SEC16B: variants seen among roughly 807,000 people sequenced by gnomAD.
SEC16B encodes the protein SEC16 homolog B, endoplasmic reticulum export factor, also known as protein transport protein Sec16B.
Under a neutral mutation model 141.8 loss-of-function variants are expected in SEC16B, and 115 were observed. The ratio of observed to expected loss-of-function variants is 0.81; its 90% CI spans 0.70 to 0.95. The LOEUF (loss-of-function observed/expected upper bound fraction) is 0.95, where lower values mean the gene tolerates loss of function less well. Ranked by LOEUF, SEC16B falls within the 40% of genes least tolerant of loss-of-function variation. The pLI is 0.00. For missense variants in SEC16B, 1,291 were observed against 1,312.3 expected, an observed-to-expected ratio of 0.98 and a Z score of 0.25; for synonymous variants, 493 against 492.5, an observed-to-expected ratio of 1.00 and a Z score of -0.01.
rs369332659 is a variant in SEC16B, at chr1:177,933,508, G to A, written c.2700C>T (p.Leu900=). Residue 900 remains leucine, a synonymous_variant, in exon 21 of 26, where the codon CTC becomes CTT. Transcript: ENST00000308284. ...CCTTTGTATGCTCCTTCCCATCTCC[G>A]AGCTTGCCTCTCTGGGCAGTATTTC... The part of the protein sequence containing the change: ...SPRNTAQRGK[L]GDGKEHTKSS... The A allele has an allele frequency of 4.5e-5, 72 of 1,613,486 alleles. No homozygotes were observed. The highest frequency in any genetic ancestry group is 1.6e-4 in the Middle Eastern group (1 of 6,084).
At position 177,940,697 on chromosome 1, in the gene SEC16B, C is replaced by T. The variant is rs776525784; in HGVS notation, c.2040G>A (p.Lys680=). ...TTTCTAAAACCAGAGGATCTGACAGCTTCAGTTTCTCTGCTAGCTGTGCCA... is the reference window on the plus strand; with the variant it reads ...TTTCTAAAACCAGAGGATCTGACAGTTTCAGTTTCTCTGCTAGCTGTGCCA... The part of the protein sequence containing the change: ...VELIKLAEKL[K]LSDPLVLERR... The change falls in exon 17 of 26, where the codon AAG becomes AAA. Residue 680 remains lysine, a synonymous_variant. Coordinates refer to ENST00000308284, the MANE Select transcript of SEC16B (RefSeq NM_033127.4). 5.6e-6 allele frequency: 9 copies of T among 1,613,566 alleles called. No individual in the cohort carries two copies. The highest frequency in any genetic ancestry group is 6.8e-6 in the Non-Finnish European group (8 of 1,179,692).
intron 8 of SEC16B, 68 bp downstream of exon 8, chr1:177,960,274 G>GCTGC (rs1652953764): frequency 1.0e-6 from 1 of 1,004,130 alleles, no homozygotes. Flanking sequence ...TCTCCAAAAT[G>GCTGC]CTGATCTGGG....
chr1:177,946,298 G>C (rs1446731533), intron 14 of SEC16B, 122 bp downstream of exon 14: 1 of 785,402 alleles, frequency 1.3e-6, no homozygotes, highest in Non-Finnish European at 2.2e-6. Context: ...TCCCAAATAA[G>C]GGAGCCGGCG....
At chr1:177,981,401 G>C (rs888863118) in intron 1 of SEC16B, among the ~76,000 whole-genome samples, 1 of 152,024 alleles carries the variant, frequency 6.6e-6, no homozygotes, top group Non-Finnish European at 1.5e-5. Flanking sequence ...GCAGGCACCC[G>C]GAACTTATGC....
intron 6 of SEC16B, chr1:177,961,262 C>A: frequency 2.3e-6 from 1 of 436,004 alleles, no homozygotes; most frequent in Non-Finnish European, 4.1e-6. Context: ...TTCCTACATC[C>A]AGACAAAGCA....
rs1653850990 is a variant in SEC16B, at chr1:177,969,935, C to T, written c.-110G>A. The T allele has an allele frequency of 6.6e-6, 1 of 152,246 alleles. No individual in the cohort carries two copies. Among genetic ancestry groups the T allele is most frequent in the Non-Finnish European group, 1.5e-5 (1 of 68,122 alleles). The allele number at this position is 152,246 out of a possible 1,614,324, so 9.4% of individuals were successfully genotyped here. ...TCAGCGCTGCTCCAGGGACCTGGCC[C>T]AAGAGTGCCTCCTCTCCTCTTGGAG... On this transcript the variant is annotated 5_prime_UTR_variant, in exon 1 of 26. The change creates a premature stop within an existing upstream ORF in the 5' untranslated region. Transcript: ENST00000308284.
At chr1:177,977,315 C>T (rs1215173236) in intron 1 of SEC16B, among the ~76,000 whole-genome samples, 5 of 152,168 alleles carry the variant, frequency 3.3e-5, no homozygotes, top group African/African-American at 1.2e-4. Context: ...GGAAAGTCTC[C>T]ATCCCTGCAG....
chr1:177,970,669 T>C (rs546990269), upstream of SEC16B, among the ~76,000 whole-genome samples: 36 of 152,344 alleles, frequency 2.4e-4, no homozygotes, highest in African/African-American at 8.4e-4. Flanking sequence ...TCCCCAGTAC[T>C]GAACTGAAGG....
intron 9 of SEC16B, 81 bp from the exon 10 acceptor site, chr1:177,958,443 G>T: frequency 2.5e-6 from 3 of 1,176,610 alleles, no homozygotes; most frequent in Non-Finnish European, 3.5e-6. Context: ...GAAGGCACCA[G>T]GGAGCCTGCC....
At chr1:177,931,509 C>T (rs1315590893) in intron 24 of SEC16B, among the ~76,000 whole-genome samples, 1 of 152,160 alleles carries the variant, frequency 6.6e-6, no homozygotes, top group Non-Finnish European at 1.5e-5. Context: ...GGTGGGTGCA[C>T]TAAAATGTCA....
intron 20 of SEC16B, among the ~76,000 whole-genome samples, chr1:177,933,891 C>T (rs1477620537): frequency 2.6e-5 from 4 of 151,906 alleles, no homozygotes; most frequent in Non-Finnish European, 5.9e-5. Flanking sequence ...CAGAAACAGA[C>T]AGTTTTCAGA....
intron 24 of SEC16B, among the ~76,000 whole-genome samples, chr1:177,932,146 C>G (rs148089274): frequency 2.6e-5 from 4 of 152,210 alleles, no homozygotes; most frequent in African/African-American, 9.6e-5. Context: ...GACTGATGTC[C>G]CTATAAGAGG....
chr1:177,937,725 TC>T (rs1650963758), intron 18 of SEC16B, among the ~76,000 whole-genome samples: 3 of 152,188 alleles, frequency 2.0e-5, no homozygotes, highest in Admixed American at 2.0e-4. Context: ...TTTGTTTTTT[TC>T]TTCACTAGTG....
intron 5 of SEC16B, among the ~76,000 whole-genome samples, chr1:177,962,069 CAT>C (rs1653109781): frequency 6.6e-6 from 1 of 151,958 alleles, no homozygotes. Context: ...TTCATGTATT[CAT>C]TCATAAACAA....
chr1:177,980,551 C>T (rs7517262), intron 1 of SEC16B, among the ~76,000 whole-genome samples: 20,918 of 151,808 alleles, frequency 0.14, 1,792 homozygotes, highest in East Asian at 0.42. Flanking sequence ...ATCTACTATG[C>T]GGCAATAATC....
chr1:177,953,830 C>T (rs1557980708), intron 11 of SEC16B, among the ~76,000 whole-genome samples: 1 of 152,122 alleles, frequency 6.6e-6, no homozygotes, highest in African/African-American at 2.4e-5. Flanking sequence ...TTTCCTACCA[C>T]AGCTCACGAC....
chr1:177,971,217 G>T (rs539781587), upstream of SEC16B, among the ~76,000 whole-genome samples: 1 of 152,056 alleles, frequency 6.6e-6, no homozygotes, highest in Non-Finnish European at 1.5e-5. Flanking sequence ...GAGTAGCTGG[G>T]ATTACAGGTG....
rs1452663875 is a variant in SEC16B at position 177,965,895 on chromosome 1, C to T, written c.410G>A (p.Arg137Lys). 6.4e-7 allele frequency: 1 copy of T among 1,573,716 alleles called. No individual in the cohort carries two copies. Among genetic ancestry groups the T allele is most frequent in the Non-Finnish European group, 8.7e-7 (1 of 1,155,306 alleles). Reference protein sequence around the residue: ...HGHPQWLQEERVPRQRSPYIW... With the variant: ...HGHPQWLQEEKVPRQRSPYIW... Reference sequence around the variant, plus strand: ...GCTTCTTGGAGACTTTTCCATACCTCTTTCTTCCTGCAGCCACTGTGGGTG... The same window carrying T: ...GCTTCTTGGAGACTTTTCCATACCTTTTTCTTCCTGCAGCCACTGTGGGTG... Residue 137 changes from arginine (R) to lysine (K), a missense_variant and splice_region_variant, in exon 3 of 26, where the codon AGA (arginine) becomes AAA (lysine). By Grantham distance (26) the Arg-to-Lys change is conservative (BLOSUM62 2). Coordinates refer to ENST00000308284, the MANE Select transcript of SEC16B (RefSeq NM_033127.4).
At position 177,929,740 on chromosome 1, in the gene SEC16B, T is replaced by G. The variant is rs1049647438; in HGVS notation, c.*118A>C. On this transcript the variant is annotated 3_prime_UTR_variant, in exon 26 of 26. Transcript: ENST00000308284. ...GCCTTCTAAGTGCCCGGTGGAGGCA[T>G]CGGGCTAGCACAAACCTCTTGAGGG... 2.8e-6 allele frequency: 3 copies of G among 1,066,438 alleles called. No individual in the cohort carries two copies. Among genetic ancestry groups the G allele is most frequent in the Admixed American group, 4.1e-5 (2 of 48,666 alleles). The allele number at this position is 1,066,438 out of a possible 1,614,324, so 66.1% of individuals were successfully genotyped here. A position where few individuals can be genotyped will look rare whatever the true frequency, so the allele number is the denominator to read the frequency against.
Sources: allele counts gnomAD v4.1 joint callset (sites outside exome capture counted in the v4.1 genomes callset), GRCh38; gene constraint gnomAD v4.1.1; transcripts MANE v1.5; gene names NCBI Gene and HGNC (gene_info 2026-07-23, HGNC 2026-07-21).